The following ABCG1 variants were observed in gnomAD, a reference collection of about 807,000 sequenced individuals.
ABCG1 encodes ATP binding cassette subfamily G member 1, also known as ATP-binding cassette sub-family G member 1.
A neutral mutation model predicts 69.2 loss-of-function variants in ABCG1; 29 were observed. The observed-to-expected ratio is 0.42, with a 90% CI of 0.31 to 0.57. The LOEUF (loss-of-function observed/expected upper bound fraction) is 0.57. ABCG1 is among the 20% of genes least tolerant of loss of function. The pLI is 0.15. For synonymous variants in ABCG1, 370 were observed against 374.8 expected (o/e 0.99, Z 0.15); for missense variants, 718 against 898.1 (o/e 0.80, Z 2.56).
intron 2 of ABCG1, among the ~76,000 whole-genome samples, chr21:42,229,546 T>C (rs531421113): frequency 6.6e-6 from 1 of 152,142 alleles, no homozygotes; most frequent in South Asian, 2.1e-4. Flanking sequence ...AGTGAAACCC[T>C]GTCTCTAGTA....
chr21:42,271,109 A>G lies in ABCG1; in HGVS notation c.326A>G (p.Asn109Ser). 1.9e-6 allele frequency: 3 copies of G among 1,579,620 alleles called. No homozygotes were observed. The highest frequency in any genetic ancestry group is 2.6e-6 in the Non-Finnish European group (3 of 1,166,172). ...CTGAAAGGAATTTCCGGGAAGTTCA[A>G]TAGTGGTGAGTTGGTGGCCATTATG... ...TLLKGISGKF[N>S]SGELVAIMGP... The change falls in exon 3 of 15, where the codon AAT (asparagine) becomes AGT (serine). Residue 109 changes from asparagine (N) to serine (S), a missense_variant. This residue lies in a region of ABCG1 where 514 missense variants were observed against 574.3 expected (regional missense o/e 0.90). Coordinates refer to ENST00000398449, the MANE Select transcript of ABCG1 (RefSeq NM_016818.3).
chr21:42,221,447 T>TG (rs2067724943), intron 1 of ABCG1, among the ~76,000 whole-genome samples: 1 of 151,994 alleles, frequency 6.6e-6, no homozygotes, highest in Non-Finnish European at 1.5e-5. Flanking sequence ...AGGAGGTACT[T>TG]GGGGGTGAGC....
At chr21:42,229,676 T>TA (rs1395533897) in intron 2 of ABCG1, among the ~76,000 whole-genome samples, 1 of 151,830 alleles carries the variant, frequency 6.6e-6, no homozygotes, top group East Asian at 1.9e-4. Flanking sequence ...GTCGGGATCG[T>TA]ACCATTGTAC....
At chr21:42,282,784 G>A (rs912807290) in intron 6 of ABCG1, among the ~76,000 whole-genome samples, 5 of 152,228 alleles carry the variant, frequency 3.3e-5, no homozygotes, top group Admixed American at 6.5e-5. Flanking sequence ...TTCTGGAAAC[G>A]CCCTGCAGTT....
intron 2 of ABCG1, among the ~76,000 whole-genome samples, chr21:42,202,504 A>C (rs543213395): frequency 6.6e-6 from 1 of 152,110 alleles, no homozygotes; most frequent in African/African-American, 2.4e-5. Context: ...CTCAGGGTGC[A>C]ACGCTGTTGA....
intron 1 of ABCG1, among the ~76,000 whole-genome samples, chr21:42,223,515 G>C (rs1367847161): frequency 6.6e-6 from 1 of 152,076 alleles, no homozygotes; most frequent in Non-Finnish European, 1.5e-5. Flanking sequence ...CGACGGCCCA[G>C]AGGAAAATAA....
At chr21:42,272,867 G>T (rs184867276) in intron 3 of ABCG1, among the ~76,000 whole-genome samples, 4 of 152,336 alleles carry the variant, frequency 2.6e-5, no homozygotes, top group Non-Finnish European at 4.4e-5. Context: ...GTCTGCAGAG[G>T]TCCGGCCTTT....
chr21:42,282,452 G>T (rs1305875044), intron 6 of ABCG1, 33 bp downstream of exon 6: 19 of 1,593,348 alleles, frequency 1.2e-5, no homozygotes, highest in Non-Finnish European at 1.6e-5. Flanking sequence ...GGTGTCCAGG[G>T]GCAGGAAGAA....
chr21:42,219,716 C>A lies in ABCG1; in HGVS notation c.42+412C>A. 9.6e-7 allele frequency: 1 copy of A among 1,044,112 alleles called. No homozygotes were observed. Among genetic ancestry groups the A allele is most frequent in the Non-Finnish European group, 1.3e-6 (1 of 757,132 alleles). 64.7% of individuals were successfully genotyped at this position (1,044,112 alleles called of 1,614,324 possible). A position where few individuals can be genotyped will look rare whatever the true frequency, so the allele number is the denominator to read the frequency against. On this transcript the variant is annotated intron_variant, in intron 1 of 14. Coordinates refer to ENST00000398449, the MANE Select transcript of ABCG1 (RefSeq NM_016818.3). The surrounding 1 kb of genome is among the most constrained non-coding windows in gnomAD (Gnocchi z 5.3). ...GGGGACTTGAAGAAGGGGAGCCCCG[C>A]GCGCGCGGCTGTGGGCTTGGGGACC...
chr21:42,295,597 T>A (rs1601466435), intron 14 of ABCG1, among the ~76,000 whole-genome samples: 2 of 152,320 alleles, frequency 1.3e-5, no homozygotes, highest in East Asian at 3.9e-4. Context: ...GAACAAGCTC[T>A]TCTTCTCTAG....
chr21:42,221,628 T>C (rs1243505108), intron 1 of ABCG1, among the ~76,000 whole-genome samples: 1 of 152,226 alleles, frequency 6.6e-6, no homozygotes, highest in African/African-American at 2.4e-5. Flanking sequence ...TGGTATTTTC[T>C]TCTGGGCAGT....
At chr21:42,213,631 G>A (rs2067610763), upstream of ABCG1, among the ~76,000 whole-genome samples, 1 of 152,260 alleles carries the variant, frequency 6.6e-6, no homozygotes, top group South Asian at 2.1e-4. Context: ...AGTATGGGCT[G>A]TGCCCAGCAA....
chr21:42,294,809 G>A (rs1279239185), intron 14 of ABCG1, 149 bp downstream of exon 14: 1 of 694,350 alleles, frequency 1.4e-6, no homozygotes, highest in African/African-American at 1.7e-5. Flanking sequence ...CCATCTTCCT[G>A]CTAGTTCCAC....
rs1555966409 is a variant in ABCG1 at position 42,296,626 on chromosome 21, T to TG, written c.*234_*235insG. 1 of 479,092 alleles carries TG rather than the reference T, an allele frequency of 2.1e-6. No homozygotes were observed. Among genetic ancestry groups the TG allele is most frequent in the Admixed American group, 3.4e-5 (1 of 29,574 alleles). The allele number at this position is 479,092 out of a possible 1,614,324, so 29.7% of individuals were successfully genotyped here. A position where few individuals can be genotyped will look rare whatever the true frequency, so the allele number is the denominator to read the frequency against. On this transcript the variant is annotated 3_prime_UTR_variant, in exon 15 of 15. Transcript: ENST00000398449. This position sits in a 1 kb window ranked among gnomAD's most constrained non-coding sequence, Gnocchi z 5.4. ...AGGAAGATGTAGGCAGATTGGTGGTTTTTTTTTTTTTAACATACAGAATTT... is the reference window on the plus strand; with the variant it reads ...AGGAAGATGTAGGCAGATTGGTGGTTGTTTTTTTTTTTAACATACAGAATTT...
At chr21:42,200,011 G>GACCT (rs1433909193) in intron 1 of ABCG1, among the ~76,000 whole-genome samples, 1 of 152,232 alleles carries the variant, frequency 6.6e-6, no homozygotes, top group East Asian at 1.9e-4. Context: ...AAGTATCTGT[G>GACCT]ACCTATACCA....
chr21:42,271,022 AT>A lies in ABCG1; in HGVS notation c.287-46del, dbSNP rs1417384088. 5.4e-6 allele frequency: 7 copies of A among 1,288,918 alleles called. No individual in the cohort carries two copies. The South Asian group carries it at 1.2e-4, about 22-fold the overall frequency. 79.8% of individuals were successfully genotyped at this position (1,288,918 alleles called of 1,614,324 possible). On this transcript the variant is annotated intron_variant, in intron 2 of 14. Coordinates refer to ENST00000398449, the MANE Select transcript of ABCG1 (RefSeq NM_016818.3). ...ACTTGAACATTTGCATATTTACTGCATTAGAGATAAAATGAAATGAATATGA... is the reference window on the plus strand; with the variant it reads ...ACTTGAACATTTGCATATTTACTGCATAGAGATAAAATGAAATGAATATGA...
chr21:42,212,040 G>A (rs1293068978), upstream of ABCG1, among the ~76,000 whole-genome samples: 3 of 152,212 alleles, frequency 2.0e-5, no homozygotes, highest in African/African-American at 4.8e-5. Flanking sequence ...TTTCTACCAC[G>A]GGAGGGCACA....
chr21:42,287,186 T>G lies in ABCG1; in HGVS notation c.974-703T>G, dbSNP rs1044115035. The stretch of plus-strand genomic sequence containing the variant: ...GGCAGAGGGGTTGGGAGAAAGCAGA[T>G]GTAGGCAGAGGGAAGGAGGCCAGTC... On this transcript the variant is annotated intron_variant, in intron 8 of 14. Transcript: ENST00000398449. The surrounding 1 kb of genome is among the most constrained non-coding windows in gnomAD (Gnocchi z 6.2). Among the ~76,000 whole-genome samples, 2 of 151,818 alleles carry G rather than the reference T, an allele frequency of 1.3e-5. No individual in the cohort carries two copies. Among genetic ancestry groups the G allele is most frequent in the African/African-American group, 4.8e-5 (2 of 41,332 alleles).
intron 2 of ABCG1, among the ~76,000 whole-genome samples, chr21:42,240,681 C>G (rs1165398031): frequency 6.6e-6 from 1 of 152,258 alleles, no homozygotes; most frequent in Non-Finnish European, 1.5e-5. Context: ...CTGCTGACCT[C>G]AGGTGATCCA....
Sources: allele counts gnomAD v4.1 joint callset (sites outside exome capture counted in the v4.1 genomes callset), GRCh38; gene constraint gnomAD v4.1.1; regional missense constraint gnomAD v4.1.1; non-coding constraint Gnocchi (gnomAD v3.1); transcripts MANE v1.5; gene names NCBI Gene and HGNC (gene_info 2026-07-23, HGNC 2026-07-21).